Variants in RAP1GAP2 observed in about 807,000 individuals in gnomAD.
The protein encoded by RAP1GAP2 is rap1 GTPase-activating protein 2.
Under a neutral mutation model 95.0 loss-of-function variants are expected in RAP1GAP2, and 27 were observed. That is an observed-to-expected ratio of 0.28 (90% CI 0.21 to 0.39). The LOEUF is 0.39. Ranked by LOEUF, RAP1GAP2 falls within the 10% of genes least tolerant of loss-of-function variation. RAP1GAP2 has a pLI of 1.00. For synonymous variants in RAP1GAP2, 373 were observed against 380.9 expected (o/e 0.98, Z 0.24); for missense variants, 771 against 970.0 (o/e 0.79, Z 2.72).
chr17:3,022,163 T>C (rs1406874721), intron 19 of RAP1GAP2, among the ~76,000 whole-genome samples: 1 of 152,246 alleles, frequency 6.6e-6, no homozygotes, highest in African/African-American at 2.4e-5. Flanking sequence ...ATTGCCTGTC[T>C]TTTTGATAAA....
At chr17:2,787,734 A>T (rs1469469839) in intron 1 of RAP1GAP2, among the ~76,000 whole-genome samples, 5 of 151,910 alleles carry the variant, frequency 3.3e-5, no homozygotes, top group African/African-American at 1.2e-4. Context: ...CACCTGGCTA[A>T]GTTTTTGTAT....
At chr17:2,897,522 G>C (rs1215916083) in intron 2 of RAP1GAP2, among the ~76,000 whole-genome samples, 1 of 151,650 alleles carries the variant, frequency 6.6e-6, no homozygotes, top group East Asian at 2.0e-4. Flanking sequence ...GCAATTTCTG[G>C]CTAATTTTTG....
chr17:2,759,512 A>G (rs9908203), intron 1 of RAP1GAP2, among the ~76,000 whole-genome samples: 60,310 of 151,848 alleles, frequency 0.4, 12,735 homozygotes, highest in African/African-American at 0.55. Context: ...GTGCAATGGT[A>G]CAACCTCAGC....
rs559289321 is a variant in RAP1GAP2, at chr17:2,918,410, G to A, written c.165+13042G>A. 3.0e-5 allele frequency among the ~76,000 whole-genome samples: 4 copies of A among 133,900 alleles called. No homozygotes were observed. In the South Asian group the frequency reaches 7.2e-4, roughly 24 times the overall value. The allele number at this position is 133,900 out of a possible 152,430, so 87.8% of individuals were successfully genotyped here. A position where few individuals can be genotyped will look rare whatever the true frequency, so the allele number is the denominator to read the frequency against. On this transcript the variant is annotated intron_variant, in intron 3 of 24. Coordinates refer to ENST00000254695, the MANE Select transcript of RAP1GAP2 (RefSeq NM_015085.5). ...ATCGTGCCACTACACTCCAGCCTGGGCAATAGAATGAGACTCCATCTCAAA... is the reference window on the plus strand; with the variant it reads ...ATCGTGCCACTACACTCCAGCCTGGACAATAGAATGAGACTCCATCTCAAA...
Position 2,928,914 on chromosome 17 carries a change from G to C in RAP1GAP2, c.165+23546G>C, listed in dbSNP as rs376817005. ...CCTGAGAGACCCAGGGGCTGGTCTGGATTCACTGGCTGGGTGGAGCTTCCA... is the reference window on the plus strand; with the variant it reads ...CCTGAGAGACCCAGGGGCTGGTCTGCATTCACTGGCTGGGTGGAGCTTCCA... On this transcript the variant is annotated intron_variant, in intron 3 of 24. Coordinates refer to ENST00000254695, the MANE Select transcript of RAP1GAP2 (RefSeq NM_015085.5). Among the ~76,000 whole-genome samples the C allele has an allele frequency of 3.9e-5, 6 of 152,224 alleles. No homozygotes were observed. In the East Asian group the frequency reaches 1.2e-3, roughly 30 times the overall value.
chr17:2,936,561 C>T (rs563984804), intron 3 of RAP1GAP2, among the ~76,000 whole-genome samples: 1 of 152,190 alleles, frequency 6.6e-6, no homozygotes, highest in Admixed American at 6.5e-5. Context: ...GTGTGACCTT[C>T]AGCAGGCCAG....
At chr17:2,954,197 C>T (rs1049732331) in intron 3 of RAP1GAP2, among the ~76,000 whole-genome samples, 2 of 152,180 alleles carry the variant, frequency 1.3e-5, no homozygotes, top group African/African-American at 4.8e-5. Context: ...CTCCGCCTCC[C>T]GGGTTCACGC....
At chr17:2,773,675 C>CTATT (rs921442292), upstream of RAP1GAP2, among the ~76,000 whole-genome samples, 3 of 143,782 alleles carry the variant, frequency 2.1e-5, no homozygotes, top group East Asian at 2.1e-4. Context: ...CCAGTAGATA[C>CTATT]TATTCATTCA....
At chr17:2,914,648 G>A (rs978195348) in intron 3 of RAP1GAP2, among the ~76,000 whole-genome samples, 4 of 151,378 alleles carry the variant, frequency 2.6e-5, no homozygotes, top group Admixed American at 6.6e-5. Flanking sequence ...CCGCCACCAC[G>A]CCCGGCAAAT....
intron 2 of RAP1GAP2, among the ~76,000 whole-genome samples, chr17:2,838,837 A>C (rs186526579): frequency 6.6e-6 from 1 of 152,158 alleles, no homozygotes; most frequent in African/African-American, 2.4e-5. Context: ...AGGGGCTAAT[A>C]TATGTCTTTA....
chr17:3,024,697 G>A (rs752182339), intron 19 of RAP1GAP2, among the ~76,000 whole-genome samples: 14 of 152,228 alleles, frequency 9.2e-5, no homozygotes, highest in Non-Finnish European at 1.5e-4. Flanking sequence ...TAAACAAAGC[G>A]CCATCTATCC....
intron 2 of RAP1GAP2, among the ~76,000 whole-genome samples, chr17:2,837,797 G>A (rs1212447468): frequency 6.6e-6 from 1 of 151,420 alleles, no homozygotes; most frequent in African/African-American, 2.4e-5. Context: ...TAGCTGAGAC[G>A]GGGTTTCGCC....
chr17:3,002,869 T>G (rs928711817), intron 14 of RAP1GAP2, among the ~76,000 whole-genome samples: 4 of 152,064 alleles, frequency 2.6e-5, no homozygotes, highest in Admixed American at 6.5e-5. Context: ...AGCCCTGACA[T>G]CCTGCGGGAG....
At chr17:2,885,879 C>A (rs117515699) in intron 2 of RAP1GAP2, among the ~76,000 whole-genome samples, 2,642 of 152,308 alleles carry the variant, frequency 0.017, 48 homozygotes, top group Middle Eastern at 0.044. Context: ...GCATTATTGA[C>A]ATTGATGCAT....
rs766847966 is a variant in RAP1GAP2, at chr17:3,026,129, A to G, written c.1865+8A>G. The G allele has an allele frequency of 7.5e-6, 12 of 1,600,210 alleles. No homozygotes were observed. Among genetic ancestry groups the G allele is most frequent in the Non-Finnish European group, 9.4e-6 (11 of 1,167,652 alleles). ...CTGCCCCAACAAGGAGAAGTAAGAGAGTGAGGGTGGGAAAGGCCAGCTTCG... is the reference window on the plus strand; with the variant it reads ...CTGCCCCAACAAGGAGAAGTAAGAGGGTGAGGGTGGGAAAGGCCAGCTTCG... On this transcript the variant is annotated splice_region_variant and intron_variant, in intron 20 of 24. Coordinates refer to ENST00000254695, the MANE Select transcript of RAP1GAP2 (RefSeq NM_015085.5).
intron 3 of RAP1GAP2, among the ~76,000 whole-genome samples, chr17:2,950,891 G>A (rs1052071293): frequency 1.3e-5 from 2 of 152,146 alleles, no homozygotes; most frequent in Non-Finnish European, 2.9e-5. Context: ...GATTATAGGC[G>A]TGAGCCACCG....
At chr17:2,885,034 T>C (rs916216035) in intron 2 of RAP1GAP2, among the ~76,000 whole-genome samples, 5 of 142,854 alleles carry the variant, frequency 3.5e-5, no homozygotes, top group Admixed American at 7.0e-5. Flanking sequence ...CTTTCTTTTT[T>C]TTTTTTTTTT....
intron 3 of RAP1GAP2, among the ~76,000 whole-genome samples, chr17:2,934,912 C>T (rs11867235): frequency 0.16 from 24,957 of 152,118 alleles, 2,157 homozygotes; most frequent in South Asian, 0.23. Flanking sequence ...CAGAATATGA[C>T]GCCTACCAAA....
intron 12 of RAP1GAP2, among the ~76,000 whole-genome samples, chr17:2,995,002 CG>C (rs1180002159): frequency 1.3e-5 from 2 of 152,070 alleles, no homozygotes; most frequent in Non-Finnish European, 2.9e-5. Flanking sequence ...TTAGTAGAGA[CG>C]GGGGTTTCAC....
Sources: allele counts gnomAD v4.1 joint callset (sites outside exome capture counted in the v4.1 genomes callset), GRCh38; gene constraint gnomAD v4.1.1; transcripts MANE v1.5; gene names NCBI Gene and HGNC (gene_info 2026-07-23, HGNC 2026-07-21).